ARHGAP15: variants seen among roughly 807,000 people sequenced by gnomAD.
ARHGAP15 encodes rho GTPase-activating protein 15.
Under a neutral mutation model 63.7 loss-of-function variants are expected in ARHGAP15, and 51 were observed. The ratio of observed to expected loss-of-function variants is 0.80; its 90% confidence interval spans 0.64 to 1.01. The LOEUF (loss-of-function observed/expected upper bound fraction) is 1.01. ARHGAP15 is among the 50% of genes least tolerant of loss of function. The pLI is 0.00. For missense variants in ARHGAP15, 560 were observed against 564.6 expected, an observed-to-expected ratio of 0.99 and a Z score of 0.08; for synonymous variants, 191 against 193.8, an observed-to-expected ratio of 0.99 and a Z score of 0.12.
chr2:143,174,714 T>C (rs1690941885), intron 2 of ARHGAP15, among the ~76,000 whole-genome samples: 1 of 152,154 alleles, frequency 6.6e-6, no homozygotes, highest in Non-Finnish European at 1.5e-5. Flanking sequence ...GATTTACTTG[T>C]TAAAAGAATT....
chr2:143,215,179 G>A (rs902573890), intron 3 of ARHGAP15, among the ~76,000 whole-genome samples: 3 of 152,194 alleles, frequency 2.0e-5, no homozygotes, highest in Non-Finnish European at 2.9e-5. Flanking sequence ...ATGGCAAACT[G>A]AAAATGGAGA....
At chr2:143,763,072 A>G (rs6740197) in intron 13 of ARHGAP15, among the ~76,000 whole-genome samples, 35,983 of 151,938 alleles carry the variant, frequency 0.24, 4,594 homozygotes, top group African/African-American at 0.28. Context: ...TCTTTTCTAC[A>G]TATGTTTTAC....
intron 12 of ARHGAP15, among the ~76,000 whole-genome samples, chr2:143,664,782 C>A (rs904427470): frequency 1.3e-5 from 2 of 151,636 alleles, no homozygotes; most frequent in African/African-American, 2.4e-5. Flanking sequence ...GAGAATACTA[C>A]AAACACCTCT....
At chr2:143,718,324 G>A (rs991735436) in intron 13 of ARHGAP15, among the ~76,000 whole-genome samples, 1 of 152,090 alleles carries the variant, frequency 6.6e-6, no homozygotes, top group African/African-American at 2.4e-5. Context: ...GTCCCTAGGG[G>A]GCAAAGAAAG....
At chr2:143,577,779 C>T (rs1696730943) in intron 11 of ARHGAP15, among the ~76,000 whole-genome samples, 1 of 152,082 alleles carries the variant, frequency 6.6e-6, no homozygotes, top group Admixed American at 6.6e-5. Flanking sequence ...GGTAACAAGC[C>T]CCCTACATGG....
chr2:143,235,391 A>C (rs574238704), intron 5 of ARHGAP15, among the ~76,000 whole-genome samples: 1 of 152,132 alleles, frequency 6.6e-6, no homozygotes, highest in African/African-American at 2.4e-5. Context: ...GAACAATGGC[A>C]TAAAACTGAG....
intron 6 of ARHGAP15, among the ~76,000 whole-genome samples, chr2:143,368,016 A>C (rs1686370652): frequency 6.6e-6 from 1 of 152,080 alleles, no homozygotes; most frequent in Non-Finnish European, 1.5e-5. Context: ...AGAGATGTTT[A>C]GACCTTTGGA....
At chr2:143,623,113 C>T (rs1286075094) in intron 11 of ARHGAP15, among the ~76,000 whole-genome samples, 3 of 152,190 alleles carry the variant, frequency 2.0e-5, no homozygotes, top group South Asian at 4.1e-4. Context: ...GAATCCAAAA[C>T]CTTTTCCATG....
At chr2:143,672,031 T>A (rs1682554128) in intron 12 of ARHGAP15, among the ~76,000 whole-genome samples, 1 of 152,196 alleles carries the variant, frequency 6.6e-6, no homozygotes, top group African/African-American at 2.4e-5. Flanking sequence ...CTTGGTGCTA[T>A]GAAATGCCCA....
At chr2:143,183,722 C>CT (rs766431084) in intron 2 of ARHGAP15, among the ~76,000 whole-genome samples, 28,846 of 139,848 alleles carry the variant, frequency 0.21, 3,008 homozygotes, top group East Asian at 0.38. Flanking sequence ...TTTTTCTTTT[C>CT]TTTTTTTTTT....
intron 6 of ARHGAP15, among the ~76,000 whole-genome samples, chr2:143,419,609 G>A (rs887504245): frequency 2.0e-5 from 3 of 151,144 alleles, no homozygotes; most frequent in Admixed American, 6.6e-5. Flanking sequence ...AATAAGATAC[G>A]ATATTGTATA....
chr2:143,322,117 C>A (rs1239256416), intron 6 of ARHGAP15, among the ~76,000 whole-genome samples: 1 of 152,068 alleles, frequency 6.6e-6, no homozygotes, highest in Non-Finnish European at 1.5e-5. Context: ...TTTATTTCTA[C>A]TGTTTTTGGA....
At chr2:143,330,855 A>C (rs1010888424) in intron 6 of ARHGAP15, among the ~76,000 whole-genome samples, 1 of 152,242 alleles carries the variant, frequency 6.6e-6, no homozygotes, top group African/African-American at 2.4e-5. Context: ...CACATTAAAC[A>C]TAAATAACCT....
intron 11 of ARHGAP15, among the ~76,000 whole-genome samples, chr2:143,611,952 A>C (rs562182162): frequency 6.6e-6 from 1 of 152,084 alleles, no homozygotes; most frequent in Non-Finnish European, 1.5e-5. Flanking sequence ...TCTGGCCTTC[A>C]TGGTATCTTG....
intron 6 of ARHGAP15, among the ~76,000 whole-genome samples, chr2:143,337,439 T>C (rs1684854389): frequency 6.6e-6 from 1 of 152,208 alleles, no homozygotes; most frequent in Admixed American, 6.6e-5. Context: ...ATATGACAAA[T>C]ATGTCAAATT....
In ARHGAP15 at chr2:143,498,989, C is replaced by A. The variant is rs1692937771; in HGVS notation, c.826+11494C>A. 3.3e-5 allele frequency among the ~76,000 whole-genome samples: 5 copies of A among 152,174 alleles called. No individual in the cohort carries two copies. The South Asian group carries it at 8.3e-4, about 25-fold the overall frequency. ...ATTCTTATTCACAAAAGGCTCATTC[C>A]CCCATCCCTTTTATTCTCATTAAAA... On this transcript the variant is annotated intron_variant, in intron 9 of 13. Coordinates refer to ENST00000295095, the MANE Select transcript of ARHGAP15 (RefSeq NM_018460.4).
chr2:143,341,374 C>CT lies in ARHGAP15; in HGVS notation c.474+90777dup, dbSNP rs551213156. ...TATTAGGATTTCACTGATATAACAA[C>CT]TTTATAGGTGAAGCTAACAGATTCC... On this transcript the variant is annotated intron_variant, in intron 6 of 13. Transcript: ENST00000295095. 5.9e-5 allele frequency among the ~76,000 whole-genome samples: 9 copies of CT among 152,212 alleles called. No individual in the cohort carries two copies. In the East Asian group the frequency reaches 1.5e-3, roughly 26 times the overall value.
chr2:143,362,582 A>G (rs1258934038), intron 6 of ARHGAP15, among the ~76,000 whole-genome samples: 1 of 152,242 alleles, frequency 6.6e-6, no homozygotes, highest in East Asian at 1.9e-4. Context: ...AGACCTATAC[A>G]TCCAACTGTT....
chr2:143,440,486 C>T (rs536254818), intron 8 of ARHGAP15, among the ~76,000 whole-genome samples: 17 of 152,174 alleles, frequency 1.1e-4, no homozygotes, highest in African/African-American at 2.4e-4. Context: ...TGAGTTTTGC[C>T]GCCAAGATTG....
Sources: gnomAD v4.1 joint callset for allele counts (sites outside exome capture counted in the v4.1 genomes callset) on GRCh38, gnomAD v4.1.1 for gene constraint, MANE v1.5 for transcripts, NCBI Gene and HGNC (gene_info 2026-07-23, HGNC 2026-07-21) for gene names.